FSTL5: variants seen among roughly 807,000 people sequenced by gnomAD.
FSTL5 encodes the protein follistatin-related protein 5.
In FSTL5, 62 loss-of-function variants were observed where a neutral mutation model predicts 89.1. The observed-to-expected ratio is 0.70, with a 90% confidence interval of 0.57 to 0.86. The LOEUF is 0.86. FSTL5 is among the 40% of genes least tolerant of loss of function. FSTL5 has a pLI of 0.00. For missense variants in FSTL5, 1,057 were observed against 1,001.6 expected, an observed-to-expected ratio of 1.06 and a Z score of -0.75; for synonymous variants, 383 against 346.2, an observed-to-expected ratio of 1.11 and a Z score of -1.18.
chr4:161,812,587 G>T (rs1264090115), intron 4 of FSTL5, among the ~76,000 whole-genome samples: 1 of 151,862 alleles, frequency 6.6e-6, no homozygotes, highest in Non-Finnish European at 1.5e-5. Flanking sequence ...TAAAAAAATA[G>T]TATTTTGAGG....
chr4:161,955,854 TAGAAG>T (rs1177094484), intron 3 of FSTL5, among the ~76,000 whole-genome samples: 2 of 151,940 alleles, frequency 1.3e-5, no homozygotes, highest in Admixed American at 6.6e-5. Flanking sequence ...ACCAATAAAA[TAGAAG>T]AGAACATTTT....
intron 2 of FSTL5, among the ~76,000 whole-genome samples, chr4:162,057,727 T>A (rs1277305528): frequency 6.6e-6 from 1 of 152,150 alleles, no homozygotes; most frequent in African/African-American, 2.4e-5. Context: ...GCAGATGGCT[T>A]AAAGTCAGGA....
chr4:161,957,396 A>C (rs1372602622), intron 3 of FSTL5, among the ~76,000 whole-genome samples: 1 of 152,090 alleles, frequency 6.6e-6, no homozygotes, highest in East Asian at 1.9e-4. Context: ...TCACAAAATA[A>C]GTAGGTAATA....
At chr4:162,082,955 C>A (rs1169544616) in intron 2 of FSTL5, among the ~76,000 whole-genome samples, 1 of 151,428 alleles carries the variant, frequency 6.6e-6, no homozygotes, top group African/African-American at 2.4e-5. Context: ...AAATCAATAT[C>A]AAATACAAAT....
chr4:161,469,895 G>A (rs1390842602), intron 13 of FSTL5, among the ~76,000 whole-genome samples: 8 of 152,040 alleles, frequency 5.3e-5, no homozygotes, highest in Admixed American at 5.2e-4. Flanking sequence ...ACCCGCCTCA[G>A]CCTCCCAAAG....
At chr4:161,584,502 A>G (rs1364279225) in intron 8 of FSTL5, among the ~76,000 whole-genome samples, 1 of 152,178 alleles carries the variant, frequency 6.6e-6, no homozygotes, top group Non-Finnish European at 1.5e-5. Flanking sequence ...AAAGATGATC[A>G]TATCTGTAAC....
intron 10 of FSTL5, 83 bp downstream of exon 10, chr4:161,538,083 T>A (rs1289215212): frequency 7.5e-7 from 1 of 1,339,814 alleles, no homozygotes; most frequent in Admixed American, 1.9e-5. Flanking sequence ...CACAGTTTTC[T>A]GGTGCCTTTA....
chr4:161,503,222 C>T (rs115604189), intron 11 of FSTL5, among the ~76,000 whole-genome samples: 4,522 of 151,752 alleles, frequency 0.03, 138 homozygotes, highest in East Asian at 0.13. Flanking sequence ...AACTCACACA[C>T]AGCAAGATTT....
At chr4:161,613,331 G>T (rs1734717353) in intron 7 of FSTL5, among the ~76,000 whole-genome samples, 1 of 151,864 alleles carries the variant, frequency 6.6e-6, no homozygotes, top group Non-Finnish European at 1.5e-5. Flanking sequence ...CACGCCGGTA[G>T]TCACAGCTCT....
At chr4:161,783,521 CTTCT>C (rs562205446) in intron 4 of FSTL5, among the ~76,000 whole-genome samples, 4 of 149,880 alleles carry the variant, frequency 2.7e-5, no homozygotes, top group African/African-American at 4.9e-5. Flanking sequence ...TGCATTATGT[CTTCT>C]TTCTTTCTTT....
chr4:161,677,228 T>C (rs1316140476), intron 6 of FSTL5, among the ~76,000 whole-genome samples: 2 of 151,926 alleles, frequency 1.3e-5, no homozygotes, highest in African/African-American at 4.8e-5. Flanking sequence ...TTAATTTGCA[T>C]ATATTTCCAA....
At position 161,439,314 on chromosome 4, in the gene FSTL5, T is replaced by C. The variant is rs184338379; in HGVS notation, c.1841+15690A>G. On this transcript the variant is annotated intron_variant, in intron 15 of 15. Coordinates refer to ENST00000306100, the MANE Select transcript of FSTL5 (RefSeq NM_020116.5). ...AACTTTAAATGGTGTCGAGTGTGTA[T>C]GTTTGGTGTTTGTGGATGAGTGAGT... 3.0e-4 allele frequency among the ~76,000 whole-genome samples: 45 copies of C among 152,306 alleles called. No homozygotes were observed. The East Asian group carries it at 5.0e-3, about 17-fold the overall frequency.
intron 4 of FSTL5, among the ~76,000 whole-genome samples, chr4:161,796,871 G>C (rs1423286393): frequency 6.6e-6 from 1 of 151,342 alleles, no homozygotes; most frequent in Non-Finnish European, 1.5e-5. Context: ...CATAAGTTGA[G>C]GAAGTAAATC....
intron 5 of FSTL5, among the ~76,000 whole-genome samples, chr4:161,764,165 T>C (rs551001957): frequency 5.9e-5 from 9 of 152,302 alleles, no homozygotes; most frequent in African/African-American, 2.2e-4. Context: ...CTCTAAAAAA[T>C]AGATCATGTG....
At chr4:161,726,912 AATAT>A (rs1310686523) in intron 6 of FSTL5, among the ~76,000 whole-genome samples, 4,935 of 49,694 alleles carry the variant, frequency 0.099, 140 homozygotes, top group East Asian at 0.17. Flanking sequence ...AAAAAAAAAA[AATAT>A]ATATATATAT....
intron 7 of FSTL5, among the ~76,000 whole-genome samples, chr4:161,615,639 A>G (rs1734840546): frequency 6.6e-6 from 1 of 152,092 alleles, no homozygotes; most frequent in Admixed American, 6.5e-5. Context: ...CTCCTTAAAT[A>G]TTAAAATCTT....
At chr4:161,499,887 A>T (rs1730236054) in intron 12 of FSTL5, 129 bp downstream of exon 12, 1 of 639,524 alleles carries the variant, frequency 1.6e-6, no homozygotes, top group Non-Finnish European at 2.8e-6. Flanking sequence ...AACACCGAAT[A>T]TCATGGGTTT....
intron 8 of FSTL5, among the ~76,000 whole-genome samples, chr4:161,556,831 T>C (rs918265752): frequency 2.8e-5 from 4 of 144,794 alleles, no homozygotes; most frequent in East Asian, 2.0e-4. Context: ...TATATATATG[T>C]GTGTGTGTGT....
At position 161,542,650 on chromosome 4, in the gene FSTL5, C is replaced by T; in HGVS notation, c.1059G>A (p.Glu353=). ...IRVYPESQAR[E]PGVTASLRCH... is the part of the protein sequence containing the mutation. ...ACCTAAGACTGGCAGTTACCCCAGG[C>T]TCTCTAGCCTGACTCTCTGGATACA... Residue 353 remains glutamate (E), a synonymous_variant, in exon 9 of 16, where the codon GAG becomes GAA. Transcript: ENST00000306100. 4 of 1,545,908 alleles carry T rather than the reference C, an allele frequency of 2.6e-6. No individual in the cohort carries two copies. The highest frequency in any genetic ancestry group is 3.5e-6 in the Non-Finnish European group (4 of 1,141,862).
Sources: gnomAD v4.1 joint callset for allele counts (sites outside exome capture counted in the v4.1 genomes callset) on GRCh38, gnomAD v4.1.1 for gene constraint, MANE v1.5 for transcripts, NCBI Gene and HGNC (gene_info 2026-07-23, HGNC 2026-07-21) for gene names.